Variants in KLF12 observed in about 807,000 individuals in gnomAD.
KLF12 encodes Krueppel-like factor 12.
A neutral mutation model predicts 37.8 loss-of-function variants in KLF12; 9 were observed. The ratio of observed to expected loss-of-function variants is 0.24; its 90% CI spans 0.14 to 0.42. The LOEUF is 0.42. KLF12 is among the 10% of genes least tolerant of loss of function. The probability of loss-of-function intolerance (pLI) is 1.00; values close to 1 mark genes in which losing one functional copy is unlikely to be tolerated. For synonymous variants in KLF12, 208 were observed against 202.1 expected, an observed-to-expected ratio of 1.03 and a Z score of -0.25; for missense variants, 411 against 516.0, an observed-to-expected ratio of 0.80 and a Z score of 1.97.
the KLF12 span, among the ~76,000 whole-genome samples, chr13:74,298,006 T>C: frequency 6.6e-6 from 1 of 152,202 alleles, no homozygotes; most frequent in South Asian, 2.1e-4. Flanking sequence ...CTCTTTCTCT[T>C]CTGAATCGTT....
At chr13:74,168,806 C>T in the KLF12 span, among the ~76,000 whole-genome samples, 1 of 152,172 alleles carries the variant, frequency 6.6e-6, no homozygotes, top group Non-Finnish European at 1.5e-5. Context: ...TTTGGCAATT[C>T]TAATCCAGAA....
At chr13:73,976,048 T>C (rs767003042) in intron 2 of KLF12, among the ~76,000 whole-genome samples, 8 of 152,080 alleles carry the variant, frequency 5.3e-5, no homozygotes, top group Non-Finnish European at 8.8e-5. Flanking sequence ...GTATTCATGG[T>C]TGGAAGCTCA....
intron 1 of KLF12, among the ~76,000 whole-genome samples, chr13:74,112,666 G>T (rs886568339): frequency 2.0e-5 from 3 of 152,134 alleles, no homozygotes; most frequent in African/African-American, 7.2e-5. Context: ...TGTTGTGTGT[G>T]TTCTTACTGC....
chr13:73,835,987 G>C (rs1403939499), intron 4 of KLF12, among the ~76,000 whole-genome samples: 1 of 151,908 alleles, frequency 6.6e-6, no homozygotes, highest in Non-Finnish European at 1.5e-5. Context: ...GATATTCCTG[G>C]CTTTGTAAAT....
At chr13:73,712,877 A>C (rs1207731293) in intron 7 of KLF12, among the ~76,000 whole-genome samples, 1 of 152,230 alleles carries the variant, frequency 6.6e-6, no homozygotes, top group Non-Finnish European at 1.5e-5. Flanking sequence ...ATGCTATTGC[A>C]CACTTGAGTA....
chr13:73,882,014 A>T (rs1311743390), intron 3 of KLF12, among the ~76,000 whole-genome samples: 1 of 152,218 alleles, frequency 6.6e-6, no homozygotes, highest in African/African-American at 2.4e-5. Flanking sequence ...ATGAACAGAA[A>T]TTAAAAACTA....
At chr13:73,879,575 C>T (rs1886881102) in intron 3 of KLF12, among the ~76,000 whole-genome samples, 1 of 152,208 alleles carries the variant, frequency 6.6e-6, no homozygotes, top group African/African-American at 2.4e-5. Context: ...CAAAAATGTC[C>T]TGAAGACAAG....
intron 4 of KLF12, among the ~76,000 whole-genome samples, chr13:73,835,072 T>C (rs1221871294): frequency 1.3e-5 from 2 of 151,968 alleles, no homozygotes; most frequent in Non-Finnish European, 2.9e-5. Flanking sequence ...AAACCTTTTT[T>C]TTTTTTTTGG....
chr13:73,956,967 AGGAAAGGAG>A (rs986275517), intron 2 of KLF12, among the ~76,000 whole-genome samples: 6 of 150,306 alleles, frequency 4.0e-5, no homozygotes, highest in Non-Finnish European at 7.4e-5. Flanking sequence ...AAAAAGGGAA[AGGAAAGGAG>A]GGAAAGGAGG....
chr13:73,691,029 C>T lies in KLF12; in HGVS notation c.*4461G>A, dbSNP rs1873792023. ...AGCAATTTTTATGTACATTTCTTAA[C>T]TATAAAATGCAGGCAGAGTCATATA... On this transcript the variant is annotated 3_prime_UTR_variant, in exon 8 of 8. Coordinates refer to ENST00000377669, the MANE Select transcript of KLF12 (RefSeq NM_007249.5). 6.6e-6 allele frequency: 1 copy of T among 152,598 alleles called. No homozygotes were observed. The highest frequency in any genetic ancestry group is 1.5e-5 in the Non-Finnish European group (1 of 68,028). 9.5% of individuals were successfully genotyped at this position (152,598 alleles called of 1,614,324 possible). A position where few individuals can be genotyped will look rare whatever the true frequency, so the allele number is the denominator to read the frequency against.
At chr13:74,107,462 T>G (rs946200388) in intron 1 of KLF12, among the ~76,000 whole-genome samples, 1 of 152,166 alleles carries the variant, frequency 6.6e-6, no homozygotes, top group Non-Finnish European at 1.5e-5. Flanking sequence ...GAAATAAAAG[T>G]AAAAAGGAAA....
the KLF12 span, among the ~76,000 whole-genome samples, chr13:74,157,802 T>G: frequency 2.6e-5 from 4 of 152,156 alleles, no homozygotes; most frequent in Non-Finnish European, 5.9e-5. Flanking sequence ...GCTTTTGCTT[T>G]TCTTGGGTAT....
At chr13:73,739,274 T>TAAA (rs1555299226) in intron 6 of KLF12, among the ~76,000 whole-genome samples, 1 of 149,898 alleles carries the variant, frequency 6.7e-6, no homozygotes, top group African/African-American at 2.5e-5. Context: ...ATAATAATAA[T>TAAA]AAATGTACTT....
chr13:74,249,594 G>T, the KLF12 span, among the ~76,000 whole-genome samples: 1 of 152,082 alleles, frequency 6.6e-6, no homozygotes, highest in Admixed American at 6.5e-5. Context: ...AAATGACAAG[G>T]TTTCTTACTT....
intron 6 of KLF12, among the ~76,000 whole-genome samples, chr13:73,737,632 T>A (rs1304019741): frequency 6.6e-6 from 1 of 152,202 alleles, no homozygotes. Context: ...AATTTAACTT[T>A]CCTTGATTAC....
chr13:73,790,515 C>T (rs1394632958), intron 5 of KLF12, among the ~76,000 whole-genome samples: 2 of 152,154 alleles, frequency 1.3e-5, no homozygotes, highest in African/African-American at 2.4e-5. Flanking sequence ...CTCCTGGTAA[C>T]ATGATTTTAC....
intron 5 of KLF12, chr13:73,812,872 A>ATTT: frequency 5.3e-5 from 13 of 244,240 alleles, no homozygotes; most frequent in South Asian, 1.8e-4. Flanking sequence ...AAAAATAACA[A>ATTT]TTTTTTTTTT....
the KLF12 span, among the ~76,000 whole-genome samples, chr13:74,262,191 A>G: frequency 3.2e-4 from 48 of 152,306 alleles, no homozygotes; most frequent in Admixed American, 6.5e-4. Flanking sequence ...TTTCAGAGAA[A>G]TGATCAAGTA....
chr13:74,111,517 C>A (rs1403064091), intron 1 of KLF12, among the ~76,000 whole-genome samples: 1 of 152,104 alleles, frequency 6.6e-6, no homozygotes, highest in Non-Finnish European at 1.5e-5. Flanking sequence ...ATGTAACCTG[C>A]TGAAAAATTC....
Sources: gnomAD v4.1 joint callset for allele counts (sites outside exome capture counted in the v4.1 genomes callset) on GRCh38, gnomAD v4.1.1 for gene constraint, MANE v1.5 for transcripts, NCBI Gene and HGNC (gene_info 2026-07-23, HGNC 2026-07-21) for gene names.